ERICH6: variants seen among roughly 807,000 people sequenced by gnomAD.
The protein encoded by ERICH6 is glutamate-rich protein 6.
Under a neutral mutation model 71.0 loss-of-function variants are expected in ERICH6, and 71 were observed. The ratio of observed to expected loss-of-function variants is 1.00; its 90% confidence interval spans 0.83 to 1.22. The LOEUF is 1.22. Ranked by LOEUF, ERICH6 falls within the 50% of genes most tolerant of loss-of-function variation. The probability of loss-of-function intolerance (pLI) is 0.00; values close to 1 mark genes in which losing one functional copy is unlikely to be tolerated. For missense variants in ERICH6, 808 were observed against 797.2 expected (o/e 1.01, Z -0.16); for synonymous variants, 262 against 278.4 (o/e 0.94, Z 0.59).
At chr3:150,677,614 G>GC (rs960963157) in intron 10 of ERICH6, among the ~76,000 whole-genome samples, 3 of 151,662 alleles carry the variant, frequency 2.0e-5, no homozygotes, top group African/African-American at 4.8e-5. Flanking sequence ...TCCTGCCTCA[G>GC]CCCCCCCAAG....
intron 7 of ERICH6, among the ~76,000 whole-genome samples, chr3:150,681,215 C>G (rs921393974): frequency 3.3e-5 from 5 of 152,256 alleles, no homozygotes; most frequent in African/African-American, 9.6e-5. Flanking sequence ...TCTTCACAGC[C>G]CCTGGCAACC....
At chr3:150,678,366 G>T (rs550948662) in intron 10 of ERICH6, 43 bp downstream of exon 10, 203 of 1,520,414 alleles carry the variant, frequency 1.3e-4, no homozygotes, top group African/African-American at 4.7e-4. Flanking sequence ...GGTAAAACTG[G>T]TTTTTTTTAA....
chr3:150,666,804 C>CGGT lies in ERICH6; in HGVS notation c.1710_1711insACC (p.Ser570_Val571insThr), dbSNP rs1727431588. The CGGT allele has an allele frequency of 6.2e-7, 1 of 1,613,996 alleles. No individual in the cohort carries two copies. Among genetic ancestry groups the CGGT allele is most frequent in the Non-Finnish European group, 8.5e-7 (1 of 1,180,020 alleles). ...GTACCTACCTTCACTTTGGTTCCAA[C>CGGT]ACTGATTCTTGCCTGTTGGCCCATT... On this transcript the variant is annotated inframe_insertion, in exon 13 of 14. Transcript: ENST00000295910.
chr3:150,664,420 A>T (rs1160657427), intron 13 of ERICH6, among the ~76,000 whole-genome samples: 1 of 152,078 alleles, frequency 6.6e-6, no homozygotes, highest in Admixed American at 6.6e-5. Context: ...AGGCCCAGGT[A>T]GGCAGATCAC....
chr3:150,702,086 T>G (rs1189936068), intron 2 of ERICH6, 35 bp downstream of exon 2: 1 of 1,377,280 alleles, frequency 7.3e-7, no homozygotes, highest in African/African-American at 1.4e-5. Context: ...CATTATTGGG[T>G]TCAAAAAATG....
chr3:150,659,892 T>A lies in ERICH6; in HGVS notation c.1992A>T (p.Ter664TyrextTer?). ...TIRNIINEEI[*>Y] Reference sequence around the variant, plus strand: ...CAAATGAAAGCACCATCATTCTTAGTTAAATTTCTTCATTTATTATATTTC... The same window carrying A: ...CAAATGAAAGCACCATCATTCTTAGATAAATTTCTTCATTTATTATATTTC... Residue 664 changes from the stop codon to tyrosine (Y), a stop_lost, in exon 14 of 14, where the codon TAA (stop) becomes TAT (tyrosine). Coordinates refer to ENST00000295910, the MANE Select transcript of ERICH6 (RefSeq NM_152394.5). The A allele has an allele frequency of 6.3e-7, 1 of 1,595,226 alleles. No individual in the cohort carries two copies. Among genetic ancestry groups the A allele is most frequent in the Non-Finnish European group, 8.5e-7 (1 of 1,171,668 alleles).
At chr3:150,692,650 ATAATTTTGATATGAGTTAATG>A (rs1712497242) in intron 3 of ERICH6, among the ~76,000 whole-genome samples, 1 of 152,162 alleles carries the variant, frequency 6.6e-6, no homozygotes, top group Admixed American at 6.5e-5. Flanking sequence ...GGAAACTCCT[ATAATTTTGATATGAGTTAATG>A]TACATTATCA....
At chr3:150,666,647 T>A in intron 13 of ERICH6, 140 bp downstream of exon 13, 1 of 734,248 alleles carries the variant, frequency 1.4e-6, no homozygotes, top group Non-Finnish European at 2.2e-6. Flanking sequence ...TTTCATTACA[T>A]GTTTTTCCAT....
chr3:150,694,430 A>G (rs1712574442), intron 3 of ERICH6, among the ~76,000 whole-genome samples: 3 of 152,184 alleles, frequency 2.0e-5, no homozygotes, highest in Admixed American at 2.0e-4. Context: ...TCCTAAGCAG[A>G]CAGCTACAGA....
chr3:150,688,583 AC>A (rs1712291689), intron 3 of ERICH6, among the ~76,000 whole-genome samples: 1 of 152,190 alleles, frequency 6.6e-6, no homozygotes, highest in Non-Finnish European at 1.5e-5. Context: ...GGAAAAGTCA[AC>A]CTGGGAACTG....
intron 8 of ERICH6, 28 bp from the exon 9 acceptor site, chr3:150,680,566 A>T (rs776454836): frequency 1.2e-6 from 2 of 1,613,140 alleles, no homozygotes; most frequent in Non-Finnish European, 8.5e-7. Context: ...ATCAGGCATA[A>T]ATCTGAAATG....
At position 150,673,968 on chromosome 3, in the gene ERICH6, G is replaced by T. The variant is rs573779176; in HGVS notation, c.1331C>A (p.Thr444Lys). ...TGAAAGAGGATACAATATTTGTGTT[G>T]TCCCATCTGGAAATGAAGTCAGAAA... ...SKFLTSFPDG[T>K]TQIFYPSGNL... The change falls in exon 11 of 14, where the codon ACA (threonine) becomes AAA (lysine). Residue 444 changes from threonine (T) to lysine (K), a missense_variant. Physicochemically the swap from Thr to Lys is moderately conservative, Grantham distance 78. Transcript: ENST00000295910. 20 of 1,613,774 alleles carry T rather than the reference G, an allele frequency of 1.2e-5. No individual in the cohort carries two copies. The South Asian group carries it at 2.1e-4, about 17-fold the overall frequency.
In ERICH6 at chr3:150,660,027, G is replaced by T; in HGVS notation, c.1857C>A (p.Ser619Arg). The change falls in exon 14 of 14, where the codon AGC (serine) becomes AGA (arginine). Residue 619 changes from serine (S) to arginine (R), a missense_variant. Physicochemically the swap from Ser to Arg is moderately radical, Grantham distance 110. Coordinates refer to ENST00000295910, the MANE Select transcript of ERICH6 (RefSeq NM_152394.5). ...KLEGCVNFPS[S>R]QVWEKLKQPS... ...GTTGCTTTAATTTTTCCCAAACCTG[G>T]CTTGAGGGAAAATTCACACATCCTT... The T allele has an allele frequency of 6.2e-7, 1 of 1,614,108 alleles. No individual in the cohort carries two copies. Among genetic ancestry groups the T allele is most frequent in the Admixed American group, 1.7e-5 (1 of 60,004 alleles).
At chr3:150,661,602 G>A (rs1727226659) in intron 13 of ERICH6, among the ~76,000 whole-genome samples, 2 of 152,124 alleles carry the variant, frequency 1.3e-5, no homozygotes, top group Non-Finnish European at 2.9e-5. Flanking sequence ...ATTTTCCGAG[G>A]GACTTGAGAG....
chr3:150,703,461 A>G, intron 1 of ERICH6, 35 bp downstream of exon 1: 1 of 1,529,494 alleles, frequency 6.5e-7, no homozygotes, highest in South Asian at 1.3e-5. Context: ...TGGAGACGAG[A>G]AACCCTCGAG....
rs755866281 is a variant in ERICH6, at chr3:150,660,104, G to C, written c.1780C>G (p.Leu594Val). The change falls in exon 14 of 14, where the codon CTT becomes GTT. Residue 594 changes from leucine (L) to valine (V), a missense_variant. Physicochemically the swap from Leu to Val is conservative, Grantham distance 32. Around this residue, in one of 3 missense-constraint regions of ERICH6, gnomAD observed 736 missense variants for 712.2 expected, o/e 1.03. Transcript: ENST00000295910. ...TTTATTAAACTGGCCAGCAGAAGAA[G>C]GTCATCTCCACTTACGTATCGGAGG... Reference protein sequence around the residue: ...PILRYVSGDDLLLLASLIKIR... With the variant: ...PILRYVSGDDVLLLASLIKIR... The C allele has an allele frequency of 1.1e-5, 18 of 1,613,834 alleles. No individual in the cohort carries two copies. In the South Asian group the frequency reaches 2.0e-4, roughly 18 times the overall value.
intron 11 of ERICH6, among the ~76,000 whole-genome samples, chr3:150,669,800 A>G (rs1377144301): frequency 6.6e-6 from 1 of 152,224 alleles, no homozygotes; most frequent in African/African-American, 2.4e-5. Flanking sequence ...CAGACACAGA[A>G]AAAGCATTTG....
chr3:150,679,117 C>T (rs753060213), intron 9 of ERICH6, among the ~76,000 whole-genome samples: 36 of 149,282 alleles, frequency 2.4e-4, no homozygotes, highest in South Asian at 4.2e-4. Flanking sequence ...GATACTCTAA[C>T]AGTTGGATAT....
intron 3 of ERICH6, among the ~76,000 whole-genome samples, chr3:150,688,393 G>A (rs893170345): frequency 3.9e-5 from 6 of 152,170 alleles, no homozygotes; most frequent in African/African-American, 1.2e-4. Flanking sequence ...CACAATAACT[G>A]TATATGACGA....
Sources: gnomAD v4.1 joint callset for allele counts (sites outside exome capture counted in the v4.1 genomes callset) on GRCh38, gnomAD v4.1.1 for gene constraint, gnomAD v4.1.1 regional missense constraint, MANE v1.5 for transcripts, NCBI Gene and HGNC (gene_info 2026-07-23, HGNC 2026-07-21) for gene names.